The following TOPBP1 variants were observed in gnomAD, a reference collection of about 807,000 sequenced individuals.
TOPBP1 encodes DNA topoisomerase II binding protein 1.
A neutral mutation model predicts 167.7 loss-of-function variants in TOPBP1; 28 were observed. That is an observed-to-expected ratio of 0.17 (90% CI 0.12 to 0.23). The LOEUF (loss-of-function observed/expected upper bound fraction) is 0.23, where lower values mean the gene tolerates loss of function less well. Ranked by LOEUF, TOPBP1 falls within the 10% of genes least tolerant of loss-of-function variation. The probability of loss-of-function intolerance (pLI) is 1.00; values close to 1 mark genes in which losing one functional copy is unlikely to be tolerated. For synonymous variants in TOPBP1, 598 were observed against 611.4 expected (o/e 0.98, Z 0.32); for missense variants, 1,554 against 1,809.6 (o/e 0.86, Z 2.56).
Position 133,656,753 on chromosome 3 carries a change from A to G in TOPBP1, c.468T>C (p.Tyr156=), listed in dbSNP as rs150560189. ...LIAGEVGSKK[Y]LVAANLKKPI... Reference sequence around the variant, plus strand: ...GTTTCTTCAGGTTTGCAGCAACTAAATATTTTTTGCTACCAACTTCTCCTG... The same window carrying G: ...GTTTCTTCAGGTTTGCAGCAACTAAGTATTTTTTGCTACCAACTTCTCCTG... Residue 156 remains tyrosine (Y), a synonymous_variant, in exon 5 of 28, where the codon TAT becomes TAC. Transcript: ENST00000260810. 1.3e-4 allele frequency: 213 copies of G among 1,612,840 alleles called. No homozygotes were observed. In the African/African-American group the frequency reaches 2.0e-3, roughly 15 times the overall value.
In TOPBP1 at chr3:133,643,874, G is replaced by C. The variant is rs1334907086; in HGVS notation, c.1848+146C>G. 7.5e-6 allele frequency: 6 copies of C among 798,462 alleles called. No individual in the cohort carries two copies. The East Asian group carries it at 1.1e-4, about 15-fold the overall frequency. The allele number at this position is 798,462 out of a possible 1,614,324, so 49.5% of individuals were successfully genotyped here. On this transcript the variant is annotated intron_variant, in intron 11 of 27. Transcript: ENST00000260810. Reference sequence around the variant, plus strand: ...CCAAGAAGCTTGCACATTTAATTTTGAATTTCCCTTGCTAAAAGCAAAATC... The same window carrying C: ...CCAAGAAGCTTGCACATTTAATTTTCAATTTCCCTTGCTAAAAGCAAAATC...
rs1936358655 is a variant in TOPBP1, at chr3:133,653,159, TAAAAG to T, written c.922+181_922+185del. ...TATAAAAGACAGCATTCATTCATTC[TAAAAG>T]AAAATTACGAACAGTTCAGTGCTAA... On this transcript the variant is annotated intron_variant, in intron 7 of 27. Coordinates refer to ENST00000260810, the MANE Select transcript of TOPBP1 (RefSeq NM_007027.4). Among the ~76,000 whole-genome samples the T allele has an allele frequency of 4.6e-5, 7 of 152,352 alleles. No homozygotes were observed. The South Asian group carries it at 1.4e-3, about 32-fold the overall frequency.
chr3:133,656,286 T>C (rs1559834307), intron 5 of TOPBP1, among the ~76,000 whole-genome samples: 1 of 152,158 alleles, frequency 6.6e-6, no homozygotes, highest in Non-Finnish European at 1.5e-5. Flanking sequence ...ACATATGCCA[T>C]CTTTTGGAAG....
intron 10 of TOPBP1, among the ~76,000 whole-genome samples, chr3:133,648,791 C>T (rs886162413): frequency 6.6e-6 from 1 of 151,304 alleles, no homozygotes; most frequent in Non-Finnish European, 1.5e-5. Context: ...AGAGCGAAAT[C>T]CTGCTTCAAA....
chr3:133,614,364 A>C (rs1934789616), intron 23 of TOPBP1, among the ~76,000 whole-genome samples: 1 of 152,172 alleles, frequency 6.6e-6, no homozygotes, highest in South Asian at 2.1e-4. Context: ...TTAATATATA[A>C]ACATCAATTT....
At position 133,653,590 on chromosome 3, in the gene TOPBP1, T is replaced by C. The variant is rs1381086429; in HGVS notation, c.743-66A>G. ...AACCAAGAAATGAAAACCATTACAA[T>C]CTATCTTTGCAGAAATATTCAAATT... is the stretch of plus-strand genomic sequence containing the variant. On this transcript the variant is annotated intron_variant, in intron 6 of 27. Transcript: ENST00000260810. 1.3e-5 allele frequency: 17 copies of C among 1,293,252 alleles called. No individual in the cohort carries two copies. The East Asian group carries it at 3.9e-4, about 30-fold the overall frequency. The allele number at this position is 1,293,252 out of a possible 1,614,324, so 80.1% of individuals were successfully genotyped here.
intron 14 of TOPBP1, among the ~76,000 whole-genome samples, chr3:133,633,774 C>G (rs1022221862): frequency 6.6e-6 from 1 of 152,150 alleles, no homozygotes. Flanking sequence ...CTGGACGACA[C>G]AGCGAGACCT....
intron 19 of TOPBP1, 101 bp from the exon 20 acceptor site, chr3:133,620,448 G>T: frequency 8.5e-7 from 1 of 1,175,192 alleles, no homozygotes; most frequent in Non-Finnish European, 1.2e-6. Flanking sequence ...CAAACTTATT[G>T]ACTTGACATT....
intron 16 of TOPBP1, 68 bp from the exon 17 acceptor site, chr3:133,624,243 A>G (rs1488291082): frequency 3.2e-6 from 5 of 1,543,252 alleles, no homozygotes; most frequent in Non-Finnish European, 4.4e-6. Flanking sequence ...GATGATTCTT[A>G]TTTACTGTGA....
chr3:133,628,589 G>C lies in TOPBP1; in HGVS notation c.2665C>G (p.Pro889Ala). 6.2e-7 allele frequency: 1 copy of C among 1,611,388 alleles called. No individual in the cohort carries two copies. Among genetic ancestry groups the C allele is most frequent in the Non-Finnish European group, 8.5e-7 (1 of 1,178,800 alleles). ...SRNAVALSAS[P>A]QLKEAQSEKE... ...TCTGACTGGGCCTCTTTCAGTTGAG[G>C]GCTGGCAGAAAGAGCGACAGCATTT... is the stretch of plus-strand genomic sequence containing the variant. Residue 889 changes from proline (P) to alanine (A), a missense_variant, in exon 15 of 28, where the codon CCT (proline) becomes GCT (alanine). Physicochemically the swap from Pro to Ala is conservative, Grantham distance 27. This residue lies in a region of TOPBP1 where 1,197 missense variants were observed against 1,351.5 expected (regional missense o/e 0.89). Transcript: ENST00000260810.
At chr3:133,626,305 G>A (rs1452736973) in intron 16 of TOPBP1, among the ~76,000 whole-genome samples, 1 of 152,128 alleles carries the variant, frequency 6.6e-6, no homozygotes, top group Non-Finnish European at 1.5e-5. Context: ...GGTTATTTTG[G>A]ACATTTGTGA....
chr3:133,657,668 G>T, intron 4 of TOPBP1, 130 bp downstream of exon 4: 1 of 591,996 alleles, frequency 1.7e-6, no homozygotes, highest in Non-Finnish European at 2.6e-6. Flanking sequence ...CACTGTGGTT[G>T]TATACTGAAC....
chr3:133,613,959 A>G (rs1934772699), intron 23 of TOPBP1, among the ~76,000 whole-genome samples: 1 of 151,478 alleles, frequency 6.6e-6, no homozygotes, highest in South Asian at 2.1e-4. Flanking sequence ...CACCTGGCTA[A>G]TTTTTGTATT....
chr3:133,657,405 G>A lies in TOPBP1; in HGVS notation c.363+393C>T, dbSNP rs538243562. The stretch of plus-strand genomic sequence containing the variant: ...GCTTTTTTTTTTTTTTTTCCAAAAC[G>A]AAATCTTGCTCTGTCACCCAGGCTG... On this transcript the variant is annotated intron_variant, in intron 4 of 27. Transcript: ENST00000260810. Among the ~76,000 whole-genome samples, 448 of 138,776 alleles carry A rather than the reference G, an allele frequency of 3.2e-3. 4 individuals are homozygous for A. Among genetic ancestry groups the A allele is most frequent in the South Asian group, 0.018 (77 of 4,266 alleles). 91.0% of individuals were successfully genotyped at this position (138,776 alleles called of 152,430 possible).
At position 133,608,462 on chromosome 3, in the gene TOPBP1, T is replaced by C. The variant is rs1440610174; in HGVS notation, c.4425+73A>G. ...TACTAATCATGAGCTGAAGGTTTTG[T>C]TGTGCAGTTACTTATCTATGCACAT... On this transcript the variant is annotated intron_variant, in intron 27 of 27. Transcript: ENST00000260810. The C allele has an allele frequency of 2.6e-6, 4 of 1,511,578 alleles. No homozygotes were observed. In the East Asian group the frequency reaches 9.1e-5, roughly 34 times the overall value. 93.6% of individuals were successfully genotyped at this position (1,511,578 alleles called of 1,614,324 possible).
intron 10 of TOPBP1, among the ~76,000 whole-genome samples, chr3:133,646,295 TAGGA>T (rs1436362908): frequency 4.6e-5 from 7 of 152,134 alleles, no homozygotes; most frequent in African/African-American, 1.4e-4. Context: ...CTAGCTGTCT[TAGGA>T]AGGTTTAAGA....
rs748354124 is a variant in TOPBP1 at position 133,623,438 on chromosome 3, T to C, written c.2948A>G (p.His983Arg). 8 of 1,611,888 alleles carry C rather than the reference T, an allele frequency of 5.0e-6. No homozygotes were observed. The South Asian group carries it at 5.5e-5, about 11-fold the overall frequency. The change falls in exon 18 of 28, where the codon CAT becomes CGT. Residue 983 changes from histidine to arginine, a missense_variant. Coordinates refer to ENST00000260810, the MANE Select transcript of TOPBP1 (RefSeq NM_007027.4). ...ATGTGGATAAAGAGATTCAGGAAGA[T>C]GTTTACACTCTTGGGCACACTGCAA... ...WLLDCAQECK[H>R]LPESLYPHTY...
At chr3:133,618,956 C>G (rs951101124) in intron 20 of TOPBP1, among the ~76,000 whole-genome samples, 4 of 151,984 alleles carry the variant, frequency 2.6e-5, no homozygotes, top group African/African-American at 9.7e-5. Flanking sequence ...TACGGTGGAA[C>G]AGCAATATGC....
chr3:133,602,343 C>T (rs917537535), intron 27 of TOPBP1, among the ~76,000 whole-genome samples: 1 of 152,192 alleles, frequency 6.6e-6, no homozygotes, highest in East Asian at 1.9e-4. Flanking sequence ...TTTCATACAA[C>T]AGAAAGCTAG....
Sources: allele counts gnomAD v4.1 joint callset (sites outside exome capture counted in the v4.1 genomes callset), GRCh38; gene constraint gnomAD v4.1.1; regional missense constraint gnomAD v4.1.1; transcripts MANE v1.5; gene names NCBI Gene and HGNC (gene_info 2026-07-23, HGNC 2026-07-21).